The following SDK2 variants were observed in gnomAD, a reference collection of about 807,000 sequenced individuals.
SDK2 encodes protein sidekick-2.
In SDK2, 105 loss-of-function variants were observed where a neutral mutation model predicts 253.9. The ratio of observed to expected loss-of-function variants is 0.41; its 90% CI spans 0.35 to 0.49. The LOEUF (loss-of-function observed/expected upper bound fraction) is 0.49, where lower values mean the gene tolerates loss of function less well. Among genes scored for constraint, SDK2 ranks in the 20% least tolerant of loss-of-function variants. The pLI is 0.06. For synonymous variants in SDK2, 1,249 were observed against 1,234.9 expected (o/e 1.01, Z -0.24); for missense variants, 2,608 against 3,003.0 (o/e 0.87, Z 3.07).
intron 18 of SDK2, among the ~76,000 whole-genome samples, chr17:73,410,498 A>C (rs1380153891): frequency 6.6e-6 from 1 of 151,934 alleles, no homozygotes; most frequent in East Asian, 1.9e-4. Context: ...TTGTATTTTC[A>C]GTAGAGACAA....
intron 2 of SDK2, among the ~76,000 whole-genome samples, chr17:73,476,188 T>C (rs989221547): frequency 6.6e-6 from 1 of 152,248 alleles, no homozygotes; most frequent in Admixed American, 6.5e-5. Context: ...GATGACATGA[T>C]AGTATTTGCT....
chr17:73,578,060 C>CTT (rs34300652), intron 1 of SDK2, among the ~76,000 whole-genome samples: 6 of 139,028 alleles, frequency 4.3e-5, no homozygotes, highest in African/African-American at 5.3e-5. Flanking sequence ...CTATGGACAT[C>CTT]TTTTTTTTTT....
chr17:73,598,832 C>T (rs770913737), intron 1 of SDK2, among the ~76,000 whole-genome samples: 10 of 152,328 alleles, frequency 6.6e-5, no homozygotes, highest in Non-Finnish European at 8.8e-5. Flanking sequence ...CCTGTGAGCT[C>T]GAAGGCCTCG....
rs2063328356 is a variant in SDK2 at position 73,431,790 on chromosome 17, G to A, written c.1313-121C>T. ...CCCCTGGCTCTGGAAATGCTGGAAG[G>A]AATGAGGACAGATGGCGGTGGGGCT... On this transcript the variant is annotated intron_variant, in intron 10 of 44. Coordinates refer to ENST00000392650, the MANE Select transcript of SDK2 (RefSeq NM_001144952.2). This position sits in a 1 kb window ranked among gnomAD's most constrained non-coding sequence, Gnocchi z 5.6. The A allele has an allele frequency of 9.1e-7, 1 of 1,093,356 alleles. No homozygotes were observed. Among genetic ancestry groups the A allele is most frequent in the African/African-American group, 1.6e-5 (1 of 62,716 alleles). 67.7% of individuals were successfully genotyped at this position (1,093,356 alleles called of 1,614,324 possible).
intron 2 of SDK2, among the ~76,000 whole-genome samples, chr17:73,478,177 T>C (rs2063698785): frequency 6.6e-6 from 1 of 152,144 alleles, no homozygotes; most frequent in African/African-American, 2.4e-5. Flanking sequence ...AATACGCATT[T>C]AGAATCCCTC....
chr17:73,539,543 G>C (rs1330249142), intron 1 of SDK2, among the ~76,000 whole-genome samples: 2 of 152,058 alleles, frequency 1.3e-5, no homozygotes, highest in Non-Finnish European at 2.9e-5. Context: ...CTAGGGTTCA[G>C]GTCCAAGGAC....
chr17:73,353,361 C>T (rs2062555455), intron 40 of SDK2, among the ~76,000 whole-genome samples: 1 of 152,160 alleles, frequency 6.6e-6, no homozygotes, highest in African/African-American at 2.4e-5. Context: ...TAACTAACCC[C>T]CTTTCCTAAT....
At position 73,570,079 on chromosome 17, in the gene SDK2, C is replaced by A. The variant is rs1008469882; in HGVS notation, c.65-62482G>T. ...CGGCTGGGGAAGGAAGAGAGTCAGG[C>A]GGCCCCATGACTCTCCCCAGAGCCC... is the stretch of plus-strand genomic sequence containing the variant. On this transcript the variant is annotated intron_variant, in intron 1 of 44. Coordinates refer to ENST00000392650, the MANE Select transcript of SDK2 (RefSeq NM_001144952.2). This position sits in a 1 kb window ranked among gnomAD's most constrained non-coding sequence, Gnocchi z 4.2. 6.6e-6 allele frequency among the ~76,000 whole-genome samples: 1 copy of A among 152,118 alleles called. No individual in the cohort carries two copies. Among genetic ancestry groups the A allele is most frequent in the East Asian group, 1.9e-4 (1 of 5,188 alleles).
At chr17:73,622,834 C>G (rs2046150209) in intron 1 of SDK2, among the ~76,000 whole-genome samples, 2 of 152,318 alleles carry the variant, frequency 1.3e-5, no homozygotes, top group Non-Finnish European at 1.5e-5. Flanking sequence ...TTTTTTGGGG[C>G]CCTGAACTCC....
intron 44 of SDK2, among the ~76,000 whole-genome samples, chr17:73,341,089 C>T (rs1419361017): frequency 1.3e-5 from 2 of 149,956 alleles, no homozygotes; most frequent in African/African-American, 2.5e-5. Context: ...CTCTTTGTTG[C>T]CTAGGCTGGT....
chr17:73,630,698 G>A (rs187783095), intron 1 of SDK2, among the ~76,000 whole-genome samples: 9 of 152,256 alleles, frequency 5.9e-5, no homozygotes, highest in African/African-American at 1.2e-4. Context: ...TAACATTCCC[G>A]GGGAGGTGGC....
At position 73,506,207 on chromosome 17, in the gene SDK2, G is replaced by T. The variant is rs576804178; in HGVS notation, c.224+1231C>A. ...GGTCACAACTTCCTGGGTGTGCCAG[G>T]TGGTGGCCAGGAGAGGCTCTGGCCC... On this transcript the variant is annotated intron_variant, in intron 2 of 44. Transcript: ENST00000392650. 8.1e-4 allele frequency among the ~76,000 whole-genome samples: 123 copies of T among 152,346 alleles called. 1 individual carries two copies. Among genetic ancestry groups the T allele is most frequent in the African/African-American group, 2.8e-3 (115 of 41,592 alleles).
Position 73,348,745 on chromosome 17 carries a change from G to A in SDK2, c.6039-20C>T. 6.3e-7 allele frequency: 1 copy of A among 1,597,772 alleles called. No individual in the cohort carries two copies. The highest frequency in any genetic ancestry group is 8.5e-7 in the Non-Finnish European group (1 of 1,176,712). ...GGAGACCTGGAGAGAGCGGGGGAGT[G>A]GGGCCGAGAGGTGCACTCACTCAGA... is the stretch of plus-strand genomic sequence containing the variant. On this transcript the variant is annotated intron_variant, in intron 43 of 44. Coordinates refer to ENST00000392650, the MANE Select transcript of SDK2 (RefSeq NM_001144952.2).
At chr17:73,449,721 G>A (rs1027179631) in intron 4 of SDK2, among the ~76,000 whole-genome samples, 5 of 150,106 alleles carry the variant, frequency 3.3e-5, no homozygotes, top group African/African-American at 1.2e-4. Context: ...GGGGGTTCGA[G>A]ACCATACTGA....
At chr17:73,571,460 G>A (rs1398026777) in intron 1 of SDK2, among the ~76,000 whole-genome samples, 3 of 152,180 alleles carry the variant, frequency 2.0e-5, no homozygotes, top group Non-Finnish European at 4.4e-5. Context: ...CAGGGAGCTC[G>A]GTGGCCCACC....
chr17:73,552,524 G>A (rs961660332), intron 1 of SDK2, among the ~76,000 whole-genome samples: 2 of 152,194 alleles, frequency 1.3e-5, no homozygotes, highest in African/African-American at 2.4e-5. Context: ...GTCAGTGGTC[G>A]AGGCGCAGGT....
intron 1 of SDK2, 105 bp from the exon 2 acceptor site, chr17:73,507,702 A>G (rs1286098939): frequency 7.9e-6 from 10 of 1,264,714 alleles, no homozygotes; most frequent in Middle Eastern, 4.1e-4. Context: ...AGGTGCAGCC[A>G]GGTAATTTGC....
chr17:73,482,700 C>A (rs1461719113), intron 2 of SDK2, among the ~76,000 whole-genome samples: 1 of 152,216 alleles, frequency 6.6e-6, no homozygotes, highest in Non-Finnish European at 1.5e-5. Context: ...GCCCAGTGGT[C>A]CCCACAGAGG....
At chr17:73,380,640 G>A (rs532907426) in intron 34 of SDK2, among the ~76,000 whole-genome samples, 21 of 152,338 alleles carry the variant, frequency 1.4e-4, no homozygotes, top group South Asian at 6.2e-4. Context: ...CGACCCAGCC[G>A]AGCACAGGGT....
Sources: allele counts gnomAD v4.1 joint callset (sites outside exome capture counted in the v4.1 genomes callset), GRCh38; gene constraint gnomAD v4.1.1; non-coding constraint Gnocchi (gnomAD v3.1); transcripts MANE v1.5; gene names NCBI Gene and HGNC (gene_info 2026-07-23, HGNC 2026-07-21).